Variants in CROT observed in about 807,000 individuals in gnomAD.
CROT encodes peroxisomal carnitine O-octanoyltransferase.
Under a neutral mutation model 89.2 loss-of-function variants are expected in CROT, and 84 were observed. The ratio of observed to expected loss-of-function variants is 0.94; its 90% CI spans 0.79 to 1.13. The LOEUF (loss-of-function observed/expected upper bound fraction) is 1.13. CROT is among the 50% of genes most tolerant of loss of function. The probability of loss-of-function intolerance (pLI) is 0.00; values close to 1 mark genes in which losing one functional copy is unlikely to be tolerated. For missense variants in CROT, 711 were observed against 727.8 expected, an observed-to-expected ratio of 0.98 and a Z score of 0.27; for synonymous variants, 212 against 239.5, an observed-to-expected ratio of 0.89 and a Z score of 1.06.
intron 6 of CROT, among the ~76,000 whole-genome samples, chr7:87,368,092 G>A (rs112906778): frequency 0.011 from 1,747 of 152,218 alleles, 39 homozygotes; most frequent in African/African-American, 0.04. Context: ...TCTCTGTGCC[G>A]CAGCTGCACT....
At chr7:87,376,657 C>G (rs978886963) in intron 9 of CROT, among the ~76,000 whole-genome samples, 1 of 149,056 alleles carries the variant, frequency 6.7e-6, no homozygotes, top group Non-Finnish European at 1.5e-5. Context: ...TTGAGAATCA[C>G]CAGACTTCTT....
chr7:87,368,350 C>T (rs1316361385), intron 6 of CROT, among the ~76,000 whole-genome samples: 2 of 151,968 alleles, frequency 1.3e-5, no homozygotes, highest in African/African-American at 4.8e-5. Flanking sequence ...CAGCCCTAAA[C>T]TTTGAAAGGG....
intron 17 of CROT, among the ~76,000 whole-genome samples, chr7:87,395,778 C>T (rs545909183): frequency 2.7e-4 from 41 of 152,212 alleles, no homozygotes; most frequent in South Asian, 6.2e-4. Context: ...CCCAAGGTGT[C>T]AAAATGGTCT....
chr7:87,348,653 C>T (rs761962851), intron 2 of CROT, among the ~76,000 whole-genome samples: 71 of 152,204 alleles, frequency 4.7e-4, no homozygotes, highest in Non-Finnish European at 9.8e-4. Context: ...CTGTGTTTGA[C>T]ATTAGGTAAG....
intron 10 of CROT, among the ~76,000 whole-genome samples, chr7:87,381,708 C>A (rs370817378): frequency 1.0e-3 from 156 of 152,234 alleles, no homozygotes; most frequent in African/African-American, 3.6e-3. Flanking sequence ...CAAATTTAAA[C>A]AACTTTTTTT....
intron 6 of CROT, among the ~76,000 whole-genome samples, chr7:87,362,535 G>A (rs1736870424): frequency 1.3e-5 from 2 of 152,054 alleles, no homozygotes; most frequent in Admixed American, 1.3e-4. Flanking sequence ...GGCTCAAGCA[G>A]TCTGTCCGCC....
At chr7:87,350,625 G>A (rs952977415) in intron 3 of CROT, among the ~76,000 whole-genome samples, 5 of 152,180 alleles carry the variant, frequency 3.3e-5, no homozygotes, top group African/African-American at 7.2e-5. Flanking sequence ...CAGTCCAGTT[G>A]TAAGGTAGGT....
rs1807354993 is a variant in CROT at position 87,391,479 on chromosome 7, G to A, written c.1302-110G>A. On this transcript the variant is annotated intron_variant, in intron 13 of 17. Coordinates refer to ENST00000331536, the MANE Select transcript of CROT (RefSeq NM_021151.4). Reference sequence around the variant, plus strand: ...TGTTGAAAGTCTCCAACCTATCTGTGTTAAAGGGCTTAGTCTCTGAACAAA... The same window carrying A: ...TGTTGAAAGTCTCCAACCTATCTGTATTAAAGGGCTTAGTCTCTGAACAAA... The A allele has an allele frequency of 3.8e-6, 4 of 1,058,272 alleles. 1 individual carries two copies. Among genetic ancestry groups the A allele is most frequent in the Middle Eastern group, 3.0e-4 (1 of 3,296 alleles). The allele number at this position is 1,058,272 out of a possible 1,614,324, so 65.6% of individuals were successfully genotyped here.
rs773111917 is a variant in CROT, at chr7:87,382,581, G to A, written c.1301+38G>A. 9 of 1,573,770 alleles carry A rather than the reference G, an allele frequency of 5.7e-6. No homozygotes were observed. The South Asian group carries it at 8.3e-5, about 15-fold the overall frequency. On this transcript the variant is annotated intron_variant, in intron 13 of 17. Coordinates refer to ENST00000331536, the MANE Select transcript of CROT (RefSeq NM_021151.4). ...CAGTTTCTATTTTCACAGTCTTGAA[G>A]TCCAAGGGTATATCTTTTTTTATAG...
In CROT at chr7:87,392,730, G is replaced by T. The variant is rs1299149230; in HGVS notation, c.1505G>T (p.Gly502Val). ...CCTGAGATTTGGGGTTTCATTGCAG[G>T]ATTTGATCGTCACCTTTTAGGTCTC... ...KMMKDCSAGKGFDRHLLGLLL... is the reference protein window; with the variant it reads ...KMMKDCSAGKVFDRHLLGLLL... The change falls in exon 16 of 18, where the codon GGA (glycine) becomes GTA (valine). Residue 502 changes from glycine to valine, a missense_variant and splice_region_variant. Physicochemically the swap from Gly to Val is moderately radical, Grantham distance 109. Coordinates refer to ENST00000331536, the MANE Select transcript of CROT (RefSeq NM_021151.4). 9 of 1,613,104 alleles carry T rather than the reference G, an allele frequency of 5.6e-6. No homozygotes were observed. Among genetic ancestry groups the T allele is most frequent in the Non-Finnish European group, 7.6e-6 (9 of 1,179,648 alleles).
intron 3 of CROT, among the ~76,000 whole-genome samples, chr7:87,355,936 A>G (rs1191651347): frequency 6.6e-6 from 1 of 152,172 alleles, no homozygotes; most frequent in African/African-American, 2.4e-5. Context: ...ACCTAGAACT[A>G]TTTGTCAGAT....
chr7:87,389,807 T>C (rs1179606980), intron 13 of CROT, among the ~76,000 whole-genome samples: 1 of 112,946 alleles, frequency 8.9e-6, no homozygotes, highest in Non-Finnish European at 2.1e-5. Context: ...AATAGATGTT[T>C]TTTAAATCCA....
intron 7 of CROT, among the ~76,000 whole-genome samples, chr7:87,374,160 G>A (rs1343716130): frequency 6.6e-6 from 1 of 151,992 alleles, no homozygotes; most frequent in Non-Finnish European, 1.5e-5. Flanking sequence ...AAATCTTTGT[G>A]CTTTGAAATA....
At chr7:87,365,014 C>T (rs1192085230) in intron 6 of CROT, among the ~76,000 whole-genome samples, 2 of 152,122 alleles carry the variant, frequency 1.3e-5, no homozygotes, top group African/African-American at 4.8e-5. Flanking sequence ...TTACTGAACA[C>T]TGCTGAGTGC....
intron 7 of CROT, among the ~76,000 whole-genome samples, chr7:87,370,706 C>T (rs545785302): frequency 3.9e-5 from 6 of 152,190 alleles, no homozygotes; most frequent in Non-Finnish European, 7.3e-5. Flanking sequence ...CATCCCTCTT[C>T]CAGACTTTCA....
At chr7:87,397,312 C>G (rs574584845) in intron 17 of CROT, among the ~76,000 whole-genome samples, 1 of 150,724 alleles carries the variant, frequency 6.6e-6, no homozygotes, top group Non-Finnish European at 1.5e-5. Context: ...GATCATGCCA[C>G]TGCACTCCAG....
chr7:87,358,891 T>A (rs991131278), intron 3 of CROT, among the ~76,000 whole-genome samples: 1 of 152,202 alleles, frequency 6.6e-6, no homozygotes, highest in African/African-American at 2.4e-5. Context: ...TTTCTCTCTT[T>A]ATGTTAATTT....
At chr7:87,364,668 G>A (rs1055318588) in intron 6 of CROT, among the ~76,000 whole-genome samples, 1 of 152,138 alleles carries the variant, frequency 6.6e-6, no homozygotes. Context: ...TTACAGGAGA[G>A]GAGGAAAAAT....
At chr7:87,386,450 A>G (rs1477644392) in intron 13 of CROT, among the ~76,000 whole-genome samples, 3 of 152,158 alleles carry the variant, frequency 2.0e-5, no homozygotes, top group Non-Finnish European at 2.9e-5. Flanking sequence ...GTTGGCATAT[A>G]GTTACTCATA....
Sources: allele counts gnomAD v4.1 joint callset (sites outside exome capture counted in the v4.1 genomes callset), GRCh38; gene constraint gnomAD v4.1.1; transcripts MANE v1.5; gene names NCBI Gene and HGNC (gene_info 2026-07-23, HGNC 2026-07-21).